The following OR4K2 variants were observed in gnomAD, a reference collection of about 807,000 sequenced individuals.
OR4K2 encodes olfactory receptor 4K2.
A neutral mutation model predicts 10.5 loss-of-function variants in OR4K2; 8 were observed. The observed-to-expected ratio is 0.76, with a 90% confidence interval of 0.45 to 1.37. OR4K2 has a LOEUF of 1.37. Ranked by LOEUF, OR4K2 falls within the 40% of genes most tolerant of loss-of-function variation. The pLI, the probability that OR4K2 is intolerant of heterozygous loss-of-function variation, is 0.00. For missense variants in OR4K2, 547 were observed against 379.5 expected, an observed-to-expected ratio of 1.44 and a Z score of -3.67; for synonymous variants, 178 against 133.6, an observed-to-expected ratio of 1.33 and a Z score of -2.29.
rs1249759500 is a variant in OR4K2 at position 19,883,657 on chromosome 14, C to T, written c.*6445C>T. ...TAGTAGTTAAAGTAATTAAATAGGACTCTATTGCACTCAAGAGATTTTAAA... is the reference window on the plus strand; with the variant it reads ...TAGTAGTTAAAGTAATTAAATAGGATTCTATTGCACTCAAGAGATTTTAAA... On this transcript the variant is annotated 3_prime_UTR_variant, in exon 2 of 2. Transcript: ENST00000641885. 1 of 152,188 alleles carries T rather than the reference C, an allele frequency of 6.6e-6. No homozygotes were observed. The highest frequency in any genetic ancestry group is 2.4e-5 in the African/African-American group (1 of 41,444). 9.4% of individuals were successfully genotyped at this position (152,188 alleles called of 1,614,324 possible).
Position 19,881,173 on chromosome 14 carries a change from A to G in OR4K2, c.*3961A>G, listed in dbSNP as rs10134001. 113,842 of 151,574 alleles carry G rather than the reference A, an allele frequency of 0.75. 39,691 individuals are homozygous for G. The highest frequency in any genetic ancestry group is 0.83 in the African/African-American group (34,630 of 41,478). The allele number at this position is 151,574 out of a possible 1,614,324, so 9.4% of individuals were successfully genotyped here. A position where few individuals can be genotyped will look rare whatever the true frequency, so the allele number is the denominator to read the frequency against. On this transcript the variant is annotated 3_prime_UTR_variant, in exon 2 of 2. Coordinates refer to ENST00000641885, the MANE Select transcript of OR4K2 (RefSeq NM_001005501.2). ...TATTTTGCATGATTTTTGGATGTAT[A>G]TGTCAATTGAAAAACGGGGAGAAGA...
Position 19,881,140 on chromosome 14 carries a change from C to T in OR4K2, c.*3928C>T, listed in dbSNP as rs1383214487. 6.6e-6 allele frequency: 1 copy of T among 152,180 alleles called. No homozygotes were observed. Among genetic ancestry groups the T allele is most frequent in the Non-Finnish European group, 1.5e-5 (1 of 68,024 alleles). 9.4% of individuals were successfully genotyped at this position (152,180 alleles called of 1,614,324 possible). ...AATCCTCCTATTTCCCTATTCTTTC[C>T]CTGATATTATTTTGCATGATTTTTG... On this transcript the variant is annotated 3_prime_UTR_variant, in exon 2 of 2. Coordinates refer to ENST00000641885, the MANE Select transcript of OR4K2 (RefSeq NM_001005501.2).
chr14:19,882,147 C>G lies in OR4K2; in HGVS notation c.*4935C>G, dbSNP rs1183880071. ...TGCCACTCCTTCATCACCCTCAGCA[C>G]TCTTGAAGGTGGTGAATAGTCACTG... On this transcript the variant is annotated 3_prime_UTR_variant, in exon 2 of 2. Transcript: ENST00000641885. 6.6e-6 allele frequency: 1 copy of G among 152,406 alleles called. No homozygotes were observed. The highest frequency in any genetic ancestry group is 1.5e-5 in the Non-Finnish European group (1 of 68,128). The allele number at this position is 152,406 out of a possible 1,614,324, so 9.4% of individuals were successfully genotyped here. A position where few individuals can be genotyped will look rare whatever the true frequency, so the allele number is the denominator to read the frequency against.
In OR4K2 at chr14:19,877,230, A is replaced by G. The variant is rs1386904508; in HGVS notation, c.*18A>G. On this transcript the variant is annotated 3_prime_UTR_variant, in exon 2 of 2. Coordinates refer to ENST00000641885, the MANE Select transcript of OR4K2 (RefSeq NM_001005501.2). Reference sequence around the variant, plus strand: ...CTTCATAGTTTTTGTGACACAGAACATTAGACACAATGCTGTGTTAGGCTT... The same window carrying G: ...CTTCATAGTTTTTGTGACACAGAACGTTAGACACAATGCTGTGTTAGGCTT... 6.8e-7 allele frequency: 1 copy of G among 1,465,986 alleles called. No individual in the cohort carries two copies. Among genetic ancestry groups the G allele is most frequent in the Non-Finnish European group, 9.3e-7 (1 of 1,071,718 alleles). The allele number at this position is 1,465,986 out of a possible 1,614,324, so 90.8% of individuals were successfully genotyped here.
Position 19,876,232 on chromosome 14 carries a change from T to TCC in OR4K2, c.-23-13_-23-12insCC. Reference sequence around the variant, plus strand: ...GACTTTCCTTTTTTTTTTTTTTTTTTTTCGTGATACAGGCTTCTGCCTATG... The same window carrying TCC: ...GACTTTCCTTTTTTTTTTTTTTTTTTCCTTCGTGATACAGGCTTCTGCCTATG... On this transcript the variant is annotated splice_polypyrimidine_tract_variant and intron_variant, in intron 1 of 1. Coordinates refer to ENST00000641885, the MANE Select transcript of OR4K2 (RefSeq NM_001005501.2). The TCC allele has an allele frequency of 9.0e-7, 1 of 1,113,438 alleles. No individual in the cohort carries two copies. The highest frequency in any genetic ancestry group is 1.2e-6 in the Non-Finnish European group (1 of 819,858). The allele number at this position is 1,113,438 out of a possible 1,614,324, so 69.0% of individuals were successfully genotyped here.
At position 19,875,946 on chromosome 14, in the gene OR4K2, A is replaced by G; in HGVS notation, c.-212A>G. 1 of 301,638 alleles carries G rather than the reference A, an allele frequency of 3.3e-6. No homozygotes were observed. Among genetic ancestry groups the G allele is most frequent in the Non-Finnish European group, 6.2e-6 (1 of 162,310 alleles). 18.7% of individuals were successfully genotyped at this position (301,638 alleles called of 1,614,324 possible). On this transcript the variant is annotated 5_prime_UTR_variant, in exon 1 of 2. It adds an upstream start codon to the 5' untranslated region. Coordinates refer to ENST00000641885, the MANE Select transcript of OR4K2 (RefSeq NM_001005501.2). The stretch of plus-strand genomic sequence containing the variant: ...TATCGTTAGACTTACACAGATGAAT[A>G]GATGGACAAATAGGTAGGTATGTCT...
Position 19,877,075 on chromosome 14 carries a change from A to T in OR4K2, c.808A>T (p.Ile270Phe). The T allele has an allele frequency of 6.2e-7, 1 of 1,611,684 alleles. No homozygotes were observed. The highest frequency in any genetic ancestry group is 1.3e-5 in the African/African-American group (1 of 75,054). ...WPLSSFLTDK[I>F]LSVFYTIFTP... ...ACTAAGCAGCTTTCTCACAGACAAG[A>T]TTCTGTCTGTGTTTTATACCATCTT... Residue 270 changes from isoleucine (I) to phenylalanine (F), a missense_variant, in exon 2 of 2, where the codon ATT (isoleucine) becomes TTT (phenylalanine). Physicochemically the swap from Ile to Phe is conservative, Grantham distance 21. Transcript: ENST00000641885.
rs1328338847 is a variant in OR4K2 at position 19,880,879 on chromosome 14, G to T, written c.*3667G>T. The T allele has an allele frequency of 6.6e-6, 1 of 152,236 alleles. No individual in the cohort carries two copies. Among genetic ancestry groups the T allele is most frequent in the Non-Finnish European group, 1.5e-5 (1 of 68,034 alleles). 9.4% of individuals were successfully genotyped at this position (152,236 alleles called of 1,614,324 possible). On this transcript the variant is annotated 3_prime_UTR_variant, in exon 2 of 2. Transcript: ENST00000641885. ...TAGATTAGTAGATAGATGAAGTTTT[G>T]TATTATATGAGCTGTCTTATGTGAA...
At position 19,876,068 on chromosome 14, in the gene OR4K2, C is replaced by T. The variant is rs1156561504; in HGVS notation, c.-90C>T. 1 of 556,914 alleles carries T rather than the reference C, an allele frequency of 1.8e-6. No homozygotes were observed. The highest frequency in any genetic ancestry group is 3.1e-6 in the Non-Finnish European group (1 of 323,056). The allele number at this position is 556,914 out of a possible 1,614,324, so 34.5% of individuals were successfully genotyped here. ...GATTTAAGGAACATTTTGCTATAAG[C>T]TCTAATATTTCATAATTTCCATTCA... On this transcript the variant is annotated 5_prime_UTR_variant, in exon 1 of 2. Coordinates refer to ENST00000641885, the MANE Select transcript of OR4K2 (RefSeq NM_001005501.2).
rs947689269 is a variant in OR4K2, at chr14:19,880,954, T to A, written c.*3742T>A. The A allele has an allele frequency of 6.6e-6, 1 of 152,260 alleles. No homozygotes were observed. The highest frequency in any genetic ancestry group is 1.5e-5 in the Non-Finnish European group (1 of 68,046). 9.4% of individuals were successfully genotyped at this position (152,260 alleles called of 1,614,324 possible). On this transcript the variant is annotated 3_prime_UTR_variant, in exon 2 of 2. Coordinates refer to ENST00000641885, the MANE Select transcript of OR4K2 (RefSeq NM_001005501.2). The stretch of plus-strand genomic sequence containing the variant: ...TTAGGATAATGTGATCACTGGATTA[T>A]GCTGCTATATAGAAGTTCTTGGTAA...
Position 19,881,229 on chromosome 14 carries a change from CT to C in OR4K2, c.*4019del, listed in dbSNP as rs1881029083. 6.6e-6 allele frequency: 1 copy of C among 152,260 alleles called. No individual in the cohort carries two copies. Among genetic ancestry groups the C allele is most frequent in the African/African-American group, 2.4e-5 (1 of 41,460 alleles). 9.4% of individuals were successfully genotyped at this position (152,260 alleles called of 1,614,324 possible). On this transcript the variant is annotated 3_prime_UTR_variant, in exon 2 of 2. Transcript: ENST00000641885. ...GCCAGGGAAATCTAATTCATGTGAA[CT>C]TCTTGCATGTACTCTCAGATGCCAA...
rs761444802 is a variant in OR4K2, at chr14:19,876,507, G to A, written c.240G>A (p.Lys80=). 6.2e-6 allele frequency: 10 copies of A among 1,614,110 alleles called. No individual in the cohort carries two copies. The Admixed American group carries it at 1.7e-4, about 27-fold the overall frequency. Residue 80 remains lysine, a synonymous_variant, in exon 2 of 2, where the codon AAG becomes AAA. Transcript: ENST00000641885. ...CTCTTGCTTCTTTCGCCACCCCAAA[G>A]ATGATTACAGATTACCTAACAGGTC... ...DMSLASFATP[K]MITDYLTGHK...
In OR4K2 at chr14:19,877,818, A is replaced by G. The variant is rs1426271439; in HGVS notation, c.*606A>G. The G allele has an allele frequency of 1.3e-5, 2 of 152,624 alleles. No homozygotes were observed. The highest frequency in any genetic ancestry group is 2.4e-5 in the African/African-American group (1 of 41,476). The allele number at this position is 152,624 out of a possible 1,614,324, so 9.5% of individuals were successfully genotyped here. On this transcript the variant is annotated 3_prime_UTR_variant, in exon 2 of 2. Transcript: ENST00000641885. ...CTTTACCAACCACTTTTAGTTCATC[A>G]TCAAAGCAATACAGTCATGATATTT...
chr14:19,880,032 C>T lies in OR4K2; in HGVS notation c.*2820C>T, dbSNP rs1880999520. Reference sequence around the variant, plus strand: ...ATTCAGCCCAACACAAATTCATAAGCTTTCTTGAAACATTATAAGATTTTC... The same window carrying T: ...ATTCAGCCCAACACAAATTCATAAGTTTTCTTGAAACATTATAAGATTTTC... On this transcript the variant is annotated 3_prime_UTR_variant, in exon 2 of 2. Transcript: ENST00000641885. The T allele has an allele frequency of 6.6e-6, 1 of 152,344 alleles. No homozygotes were observed. Among genetic ancestry groups the T allele is most frequent in the Non-Finnish European group, 1.5e-5 (1 of 68,078 alleles). 9.4% of individuals were successfully genotyped at this position (152,344 alleles called of 1,614,324 possible).
Position 19,877,023 on chromosome 14 carries a change from G to T in OR4K2, c.756G>T (p.Gly252=), listed in dbSNP as rs1880924285. ...AHFIVVFLFF[G]PCIFIYMWPL... ...TCATTGTTGTCTTCTTGTTCTTTGG[G>T]CCATGCATCTTCATCTACATGTGGC... The change falls in exon 2 of 2, where the codon GGG becomes GGT. Residue 252 remains glycine (G), a synonymous_variant. Coordinates refer to ENST00000641885, the MANE Select transcript of OR4K2 (RefSeq NM_001005501.2). 1 of 1,613,434 alleles carries T rather than the reference G, an allele frequency of 6.2e-7. No homozygotes were observed. The highest frequency in any genetic ancestry group is 1.3e-5 in the African/African-American group (1 of 74,850).
rs1675141041 is a variant in OR4K2 at position 19,881,961 on chromosome 14, G to T, written c.*4749G>T. ...ACAGTTAAGAAAACGGAAACCATTG[G>T]GTAAATTAAGCAGATTTAATACAAT... On this transcript the variant is annotated 3_prime_UTR_variant, in exon 2 of 2. Coordinates refer to ENST00000641885, the MANE Select transcript of OR4K2 (RefSeq NM_001005501.2). 6.6e-6 allele frequency: 1 copy of T among 151,976 alleles called. No individual in the cohort carries two copies. The highest frequency in any genetic ancestry group is 6.6e-5 in the Admixed American group (1 of 15,262). 9.4% of individuals were successfully genotyped at this position (151,976 alleles called of 1,614,324 possible).
rs1881033674 is a variant in OR4K2 at position 19,881,430 on chromosome 14, A to G, written c.*4218A>G. 6.6e-6 allele frequency: 1 copy of G among 152,180 alleles called. No homozygotes were observed. Among genetic ancestry groups the G allele is most frequent in the Non-Finnish European group, 1.5e-5 (1 of 68,034 alleles). The allele number at this position is 152,180 out of a possible 1,614,324, so 9.4% of individuals were successfully genotyped here. ...ACTGGAAATGTGACTGGGATCATTG[A>G]TTCATGTATTCTGTCTCTATTGTTG... is the stretch of plus-strand genomic sequence containing the variant. On this transcript the variant is annotated 3_prime_UTR_variant, in exon 2 of 2. Coordinates refer to ENST00000641885, the MANE Select transcript of OR4K2 (RefSeq NM_001005501.2).
chr14:19,876,339 G>A lies in OR4K2; in HGVS notation c.72G>A (p.Gln24=). 4 of 1,612,748 alleles carry A rather than the reference G, an allele frequency of 2.5e-6. No individual in the cohort carries two copies. Among genetic ancestry groups the A allele is most frequent in the Non-Finnish European group, 2.5e-6 (3 of 1,179,454 alleles). The change falls in exon 2 of 2, where the codon CAG becomes CAA. Residue 24 remains glutamine (Q), a synonymous_variant. Transcript: ENST00000641885. The stretch of plus-strand genomic sequence containing the variant: ...GGCTCTCTAATTCCTGGGAACTACA[G>A]ATGTTTTTCTTTATGGTGTTTTCAT... ...LLGLSNSWEL[Q]MFFFMVFSLL...
Position 19,877,244 on chromosome 14 carries a change from T to C in OR4K2, c.*32T>C. 2 of 1,408,332 alleles carry C rather than the reference T, an allele frequency of 1.4e-6. No individual in the cohort carries two copies. The highest frequency in any genetic ancestry group is 1.9e-6 in the Non-Finnish European group (2 of 1,034,630). The allele number at this position is 1,408,332 out of a possible 1,614,324, so 87.2% of individuals were successfully genotyped here. A position where few individuals can be genotyped will look rare whatever the true frequency, so the allele number is the denominator to read the frequency against. On this transcript the variant is annotated 3_prime_UTR_variant, in exon 2 of 2. Coordinates refer to ENST00000641885, the MANE Select transcript of OR4K2 (RefSeq NM_001005501.2). ...TGACACAGAACATTAGACACAATGC[T>C]GTGTTAGGCTTTTCTTTCTAGAGGG... is the stretch of plus-strand genomic sequence containing the variant.
Sources: allele counts gnomAD v4.1 joint callset, GRCh38; gene constraint gnomAD v4.1.1; transcripts MANE v1.5; gene names NCBI Gene and HGNC (gene_info 2026-07-23, HGNC 2026-07-21).